Variants in MDC1 observed in about 807,000 individuals in gnomAD.
The protein encoded by MDC1 is mediator of DNA damage checkpoint protein 1.
A neutral mutation model predicts 142.5 loss-of-function variants in MDC1; 81 were observed. The ratio of observed to expected loss-of-function variants is 0.57; its 90% CI spans 0.47 to 0.68. The LOEUF is 0.68. Ranked by LOEUF, MDC1 falls within the 30% of genes least tolerant of loss-of-function variation. MDC1 has a pLI of 0.00. For missense variants in MDC1, 2,119 were observed against 2,547.9 expected, an observed-to-expected ratio of 0.83 and a Z score of 3.62; for synonymous variants, 797 against 968.4, an observed-to-expected ratio of 0.82 and a Z score of 3.29.
chr6:30,712,229 C>A lies in MDC1; in HGVS notation c.1713G>T (p.Trp571Cys). 1 of 1,612,978 alleles carries A rather than the reference C, an allele frequency of 6.2e-7. No individual in the cohort carries two copies. The highest frequency in any genetic ancestry group is 8.5e-7 in the Non-Finnish European group (1 of 1,179,972). The change falls in exon 5 of 15, where the codon TGG (tryptophan) becomes TGT (cysteine). Residue 571 changes from tryptophan to cysteine, a missense_variant. By Grantham distance (215) the Trp-to-Cys change is radical. Coordinates refer to ENST00000376406, the MANE Select transcript of MDC1 (RefSeq NM_014641.3). This position sits in a 1 kb window ranked among gnomAD's most constrained non-coding sequence, Gnocchi z 4.7. Reference sequence around the variant, plus strand: ...CTGTTTCACAGTCCCCATGCAGAGGCCAGGCTTCCTCTAGAGATACCACAA... The same window carrying A: ...CTGTTTCACAGTCCCCATGCAGAGGACAGGCTTCCTCTAGAGATACCACAA... Reference protein sequence around the residue: ...KLLVVSLEEAWPLHGDCETDA... With the variant: ...KLLVVSLEEACPLHGDCETDA...
In MDC1 at chr6:30,700,422, T is replaced by C; in HGVS notation, c.*43A>G. 2 of 1,579,322 alleles carry C rather than the reference T, an allele frequency of 1.3e-6. No individual in the cohort carries two copies. Among genetic ancestry groups the C allele is most frequent in the African/African-American group, 1.3e-5 (1 of 74,206 alleles). On this transcript the variant is annotated 3_prime_UTR_variant, in exon 15 of 15. Transcript: ENST00000376406. ...CGCCCTGAGTTCTTTCTTCCACATA[T>C]CTTCTAATTCGTGGTCTGGGAGGGA...
rs1772363411 is a variant in MDC1, at chr6:30,699,919, A to G, written c.*546T>C. 1.3e-5 allele frequency: 3 copies of G among 224,868 alleles called. No individual in the cohort carries two copies. In the East Asian group the frequency reaches 1.9e-4, roughly 14 times the overall value. 13.9% of individuals were successfully genotyped at this position (224,868 alleles called of 1,614,324 possible). ...CAGAGACTTGCCCAAAGTCAAAGCT[A>G]AAGATGCTTCCAGAGGCCAGGAGAG... On this transcript the variant is annotated 3_prime_UTR_variant, in exon 15 of 15. Transcript: ENST00000376406.
rs1234584841 is a variant in MDC1 at position 30,703,698 on chromosome 6, T to C, written c.5485A>G (p.Arg1829Gly). 3.9e-6 allele frequency: 6 copies of C among 1,542,174 alleles called. No homozygotes were observed. Among genetic ancestry groups the C allele is most frequent in the Non-Finnish European group, 1.7e-6 (2 of 1,149,262 alleles). ...DSPPHQKQPQ[R>G]GEVSQKTVII... ...ACTGTCTTCTGGGAGACTTCCCCTCTTTGGGGCTGTTTTTGATGTGGTGGT... is the reference window on the plus strand; with the variant it reads ...ACTGTCTTCTGGGAGACTTCCCCTCCTTGGGGCTGTTTTTGATGTGGTGGT... Residue 1829 changes from arginine (R) to glycine (G), a missense_variant, in exon 10 of 15, where the codon AGA becomes GGA. Coordinates refer to ENST00000376406, the MANE Select transcript of MDC1 (RefSeq NM_014641.3). This position sits in a 1 kb window ranked among gnomAD's most constrained non-coding sequence, Gnocchi z 4.4.
At chr6:30,707,247 G>A in intron 9 of MDC1, 137 bp downstream of exon 9, 1 of 872,144 alleles carries the variant, frequency 1.1e-6, no homozygotes, top group Non-Finnish European at 1.8e-6. Context: ...AGGAATAGAA[G>A]CCAATCAAGG....
At position 30,713,843 on chromosome 6, in the gene MDC1, G is replaced by T. The variant is rs148491074; in HGVS notation, c.477C>A (p.Pro159=). ...AGTCCTCAGCCAACAGAAGCCTCTG[G>T]GGTTGAGTTTCTCCCTGTACTCTGG... ...ETPRVQGETQ[P]QRLLLAEDSE... The change falls in exon 3 of 15, where the codon CCC becomes CCA. Residue 159 remains proline, a synonymous_variant. Coordinates refer to ENST00000376406, the MANE Select transcript of MDC1 (RefSeq NM_014641.3). This position sits in a 1 kb window ranked among gnomAD's most constrained non-coding sequence, Gnocchi z 4.9. 4 of 1,613,976 alleles carry T rather than the reference G, an allele frequency of 2.5e-6. No homozygotes were observed. The highest frequency in any genetic ancestry group is 2.5e-6 in the Non-Finnish European group (3 of 1,180,024).
chr6:30,706,242 T>C (rs1388222339), intron 9 of MDC1, 144 bp from the exon 10 acceptor site: 9 of 674,648 alleles, frequency 1.3e-5, no homozygotes, highest in Non-Finnish European at 2.1e-5. Context: ...ATCCCAGCAC[T>C]TTGGGAGGCC....
chr6:30,715,134 C>T lies in MDC1; in HGVS notation c.42G>A (p.Glu14=), dbSNP rs760601946. The change falls in exon 2 of 15, where the codon GAG becomes GAA. Residue 14 remains glutamate, a synonymous_variant. Transcript: ENST00000376406. The surrounding 1 kb of genome is among the most constrained non-coding windows in gnomAD (Gnocchi z 4.1). ...TQAIDWDVEE[E]EETEQSSESL... The stretch of plus-strand genomic sequence containing the variant: ...ATTCACTGGATTGCTCTGTCTCCTC[C>T]TCTTCTTCAACATCCCAGTCAATAG... The T allele has an allele frequency of 1.9e-6, 3 of 1,614,218 alleles. No individual in the cohort carries two copies. Among genetic ancestry groups the T allele is most frequent in the South Asian group, 1.1e-5 (1 of 91,088 alleles).
Position 30,704,622 on chromosome 6 carries a change from G to A in MDC1, c.4561C>T (p.Arg1521Trp), listed in dbSNP as rs754933032. Residue 1521 changes from arginine to tryptophan, a missense_variant, in exon 10 of 15, where the codon CGG becomes TGG. By Grantham distance (101) the Arg-to-Trp change is moderately radical. Transcript: ENST00000376406. The part of the protein sequence containing the change: ...TSRTTRGRKN[R>W]SSVKTPETVV... ...GTTTCAGGGGTCTTGACAGAGGACC[G>A]ATTTTTTCTTCCCCTAGTGGTCCGA... 19 of 1,530,216 alleles carry A rather than the reference G, an allele frequency of 1.2e-5. No individual in the cohort carries two copies. Among genetic ancestry groups the A allele is most frequent in the South Asian group, 8.0e-5 (7 of 87,130 alleles). The allele number at this position is 1,530,216 out of a possible 1,614,324, so 94.8% of individuals were successfully genotyped here.
At position 30,712,747 on chromosome 6, in the gene MDC1, C is replaced by A; in HGVS notation, c.1195G>T (p.Val399Phe). 3.7e-6 allele frequency: 6 copies of A among 1,613,096 alleles called. No individual in the cohort carries two copies. The highest frequency in any genetic ancestry group is 5.1e-6 in the Non-Finnish European group (6 of 1,180,030). ...TCGTCATCTGTATCGCTGTTGATAACCATGGAAGCTTGGCTTTTCTCCAGA... is the reference window on the plus strand; with the variant it reads ...TCGTCATCTGTATCGCTGTTGATAAACATGGAAGCTTGGCTTTTCTCCAGA... ...VPLEKSQASM[V>F]INSDTDDEEE... The change falls in exon 5 of 15, where the codon GTT becomes TTT. Residue 399 changes from valine to phenylalanine, a missense_variant. Val to Phe is a conservative substitution (Grantham distance 50). Coordinates refer to ENST00000376406, the MANE Select transcript of MDC1 (RefSeq NM_014641.3). This position sits in a 1 kb window ranked among gnomAD's most constrained non-coding sequence, Gnocchi z 4.7.
In MDC1 at chr6:30,708,007, CCT is replaced by C. The variant is rs761658184; in HGVS notation, c.2570_2571del (p.Gln857ArgfsTer10). The C allele has an allele frequency of 6.2e-7, 1 of 1,613,058 alleles. No homozygotes were observed. Among genetic ancestry groups the C allele is most frequent in the East Asian group, 2.2e-5 (1 of 44,884 alleles). ...GCTAACAACTGTTTTTGTTCTCTGT[CCT>C]GTTTCCCCTTGGTTAATTCTTCCTC... ...TGEEELTKGK[Q>X]DREQKQLLAR... On this transcript the variant is annotated frameshift_variant, in exon 8 of 15. Coordinates refer to ENST00000376406, the MANE Select transcript of MDC1 (RefSeq NM_014641.3). LOFTEE classifies it high-confidence loss of function.
chr6:30,713,755 A>G lies in MDC1; in HGVS notation c.518-38T>C, dbSNP rs1218100038. 3.1e-6 allele frequency: 5 copies of G among 1,613,730 alleles called. No homozygotes were observed. In the Admixed American group the frequency reaches 5.0e-5, roughly 16 times the overall value. ...GAAAGGAATGAGTTGACAATTGTAC[A>G]CTCATTATTCCTGTCTCCTCATTCT... On this transcript the variant is annotated intron_variant, in intron 3 of 14. Coordinates refer to ENST00000376406, the MANE Select transcript of MDC1 (RefSeq NM_014641.3). The surrounding 1 kb of genome is among the most constrained non-coding windows in gnomAD (Gnocchi z 4.9).
intron 7 of MDC1, 143 bp downstream of exon 7, chr6:30,711,269 G>A (rs1774835284): frequency 1.5e-6 from 1 of 689,556 alleles, no homozygotes; most frequent in South Asian, 1.8e-5. Flanking sequence ...CCAGCTACCT[G>A]GGAAGCTGAA....
rs1342960069 is a variant in MDC1, at chr6:30,713,472, A to G, written c.588-118T>C. On this transcript the variant is annotated intron_variant, in intron 4 of 14. Coordinates refer to ENST00000376406, the MANE Select transcript of MDC1 (RefSeq NM_014641.3). The surrounding 1 kb of genome is among the most constrained non-coding windows in gnomAD (Gnocchi z 4.9). Reference sequence around the variant, plus strand: ...TAGCATATTTCTTCTTCTGTTTCCAATTTGTTTTCCACTTGGCACATCAGA... The same window carrying G: ...TAGCATATTTCTTCTTCTGTTTCCAGTTTGTTTTCCACTTGGCACATCAGA... 3 of 1,332,330 alleles carry G rather than the reference A, an allele frequency of 2.3e-6. No individual in the cohort carries two copies. Among genetic ancestry groups the G allele is most frequent in the Non-Finnish European group, 3.0e-6 (3 of 993,364 alleles). 82.5% of individuals were successfully genotyped at this position (1,332,330 alleles called of 1,614,324 possible).
rs1273022157 is a variant in MDC1 at position 30,712,662 on chromosome 6, CA to C, written c.1279del (p.Trp427GlyfsTer112). On this transcript the variant is annotated frameshift_variant, in exon 5 of 15. Coordinates refer to ENST00000376406, the MANE Select transcript of MDC1 (RefSeq NM_014641.3). LOFTEE classifies it high-confidence loss of function. The surrounding 1 kb of genome is among the most constrained non-coding windows in gnomAD (Gnocchi z 4.7). ...AHLKESQPAI[W>X]NRDAEEDMPQ... ...CATGTCCTCTTCTGCATCTCTGTTC[CA>C]TATAGCAGGCTGGCTCTCTTTCAGA... The C allele has an allele frequency of 6.2e-7, 1 of 1,613,008 alleles. No homozygotes were observed. Among genetic ancestry groups the C allele is most frequent in the East Asian group, 2.2e-5 (1 of 44,882 alleles).
rs888798687 is a variant in MDC1, at chr6:30,703,905, C to A, written c.5278G>T (p.Ala1760Ser). Residue 1760 changes from alanine to serine, a missense_variant, in exon 10 of 15, where the codon GCA (alanine) becomes TCA (serine). By Grantham distance (99) the Ala-to-Ser change is moderately conservative. Transcript: ENST00000376406. This position sits in a 1 kb window ranked among gnomAD's most constrained non-coding sequence, Gnocchi z 4.4. Reference protein sequence around the residue: ...SQASRNQRWGAVRAAESLTAI... With the variant: ...SQASRNQRWGSVRAAESLTAI... ...GTAAGGGATTCAGCTGCTCTCACTG[C>A]TCCCCATCTTTGGTTCCTTGAGGCC... is the stretch of plus-strand genomic sequence containing the variant. 3.1e-6 allele frequency: 5 copies of A among 1,614,178 alleles called. No individual in the cohort carries two copies. Among genetic ancestry groups the A allele is most frequent in the Non-Finnish European group, 4.2e-6 (5 of 1,180,032 alleles).
In MDC1 at chr6:30,710,099, T is replaced by A. The variant is rs1184249826; in HGVS notation, c.2221+1313A>T. ...CCTATATACACATTTTCTTTTTTTT[T>A]ATTATTAGAGATGAAGTCTCACTCT... is the stretch of plus-strand genomic sequence containing the variant. On this transcript the variant is annotated intron_variant, in intron 7 of 14. Transcript: ENST00000376406. Among the ~76,000 whole-genome samples the A allele has an allele frequency of 4.6e-5, 7 of 151,910 alleles. No homozygotes were observed. In the East Asian group the frequency reaches 1.3e-3, roughly 29 times the overall value.
In MDC1 at chr6:30,713,519, T is replaced by C; in HGVS notation, c.587+129A>G. 1 of 1,243,806 alleles carries C rather than the reference T, an allele frequency of 8.0e-7. No individual in the cohort carries two copies. Among genetic ancestry groups the C allele is most frequent in the South Asian group, 1.5e-5 (1 of 66,404 alleles). 77.0% of individuals were successfully genotyped at this position (1,243,806 alleles called of 1,614,324 possible). A position where few individuals can be genotyped will look rare whatever the true frequency, so the allele number is the denominator to read the frequency against. ...CAGATGTGCTCCATAAAAATTCAGC[T>C]GAGTGAATGAATATGTATGGTTCCC... On this transcript the variant is annotated intron_variant, in intron 4 of 14. Transcript: ENST00000376406. This position sits in a 1 kb window ranked among gnomAD's most constrained non-coding sequence, Gnocchi z 4.9.
rs143103259 is a variant in MDC1, at chr6:30,702,300, G to C, written c.6102+253C>G. 1.3e-3 allele frequency among the ~76,000 whole-genome samples: 186 copies of C among 142,420 alleles called. 1 individual carries two copies. The highest frequency in any genetic ancestry group is 4.8e-3 in the African/African-American group (182 of 37,546). The allele number at this position is 142,420 out of a possible 152,430, so 93.4% of individuals were successfully genotyped here. ...AAAAAAAGAAAATCAAAGGAAAAAA[G>C]GGATAGATGGAGCAAATGTAGCATA... On this transcript the variant is annotated intron_variant, in intron 14 of 14. Coordinates refer to ENST00000376406, the MANE Select transcript of MDC1 (RefSeq NM_014641.3).
In MDC1 at chr6:30,713,022, C is replaced by T; in HGVS notation, c.920G>A (p.Ser307Asn). The change falls in exon 5 of 15, where the codon AGC (serine) becomes AAC (asparagine). Residue 307 changes from serine (S) to asparagine (N), a missense_variant. Ser to Asn is a conservative substitution (Grantham distance 46, BLOSUM62 1). Coordinates refer to ENST00000376406, the MANE Select transcript of MDC1 (RefSeq NM_014641.3). This position sits in a 1 kb window ranked among gnomAD's most constrained non-coding sequence, Gnocchi z 4.9. ...EDSDTDVDDD[S>N]RPPGRPAEVH... ...CTCAGCTGGCCTTCCAGGAGGCCTG[C>T]TGTCATCATCCACATCTGTGTCACT... 6.2e-7 allele frequency: 1 copy of T among 1,612,654 alleles called. No individual in the cohort carries two copies. The highest frequency in any genetic ancestry group is 1.3e-5 in the African/African-American group (1 of 75,056).
Sources: gnomAD v4.1 joint callset for allele counts (sites outside exome capture counted in the v4.1 genomes callset) on GRCh38, gnomAD v4.1.1 for gene constraint, Gnocchi (gnomAD v3.1) non-coding constraint, MANE v1.5 for transcripts, NCBI Gene and HGNC (gene_info 2026-07-23, HGNC 2026-07-21) for gene names.